Variants in ZNF536 observed in about 807,000 individuals in gnomAD.
ZNF536 encodes zinc finger protein 536.
A neutral mutation model predicts 84.5 loss-of-function variants in ZNF536; 13 were observed. The ratio of observed to expected loss-of-function variants is 0.15; its 90% CI spans 0.10 to 0.24. The LOEUF (loss-of-function observed/expected upper bound fraction) is 0.24, where lower values mean the gene tolerates loss of function less well. ZNF536 is among the 10% of genes least tolerant of loss of function. The pLI, the probability that ZNF536 is intolerant of heterozygous loss-of-function variation, is 1.00. For missense variants in ZNF536, 1,536 were observed against 1,747.5 expected, an observed-to-expected ratio of 0.88 and a Z score of 2.16; for synonymous variants, 811 against 742.5, an observed-to-expected ratio of 1.09 and a Z score of -1.50.
chr19:30,662,291 T>C (rs2050148004), intron 1 of ZNF536, among the ~76,000 whole-genome samples: 1 of 152,242 alleles, frequency 6.6e-6, no homozygotes, highest in Non-Finnish European at 1.5e-5. Flanking sequence ...AGGAGCACTT[T>C]AGTAATCTGT....
intron 1 of ZNF536, among the ~76,000 whole-genome samples, chr19:30,411,818 T>C (rs781660907): frequency 6.6e-6 from 1 of 152,156 alleles, no homozygotes; most frequent in African/African-American, 2.4e-5. Flanking sequence ...CTTGATAAGT[T>C]TGATAGATGA....
intron 1 of ZNF536, among the ~76,000 whole-genome samples, chr19:30,612,375 C>T (rs1162773902): frequency 1.3e-5 from 2 of 152,154 alleles, no homozygotes; most frequent in Admixed American, 6.5e-5. Context: ...ATTTCTATCC[C>T]CAAGTGACTT....
intron 2 of ZNF536, chr19:30,300,277 C>G (rs548533081): frequency 2.0e-4 from 31 of 152,252 alleles, no homozygotes; most frequent in African/African-American, 7.2e-4. Flanking sequence ...ATTCACACAG[C>G]GCTTTCCGTT....
At chr19:30,701,070 G>A (rs1218359122) in intron 1 of ZNF536, among the ~76,000 whole-genome samples, 1 of 152,182 alleles carries the variant, frequency 6.6e-6, no homozygotes, top group Non-Finnish European at 1.5e-5. Flanking sequence ...CCCTTCTGCA[G>A]TAGAGATATT....
At chr19:30,456,021 G>A (rs1450766020) in intron 2 of ZNF536, among the ~76,000 whole-genome samples, 1 of 152,158 alleles carries the variant, frequency 6.6e-6, no homozygotes, top group East Asian at 1.9e-4. Flanking sequence ...GGGCCATGTG[G>A]TTTCTGTAGT....
chr19:30,582,228 G>A (rs879117537), intron 1 of ZNF536, among the ~76,000 whole-genome samples: 1 of 152,146 alleles, frequency 6.6e-6, no homozygotes, highest in Admixed American at 6.5e-5. Context: ...GCACCAAAGG[G>A]AGGAGGCCGA....
chr19:30,600,893 G>C (rs1169878038), intron 1 of ZNF536, among the ~76,000 whole-genome samples: 1 of 152,202 alleles, frequency 6.6e-6, no homozygotes, highest in Non-Finnish European at 1.5e-5. Flanking sequence ...GAGTTCTTTT[G>C]TTCCGTTGAT....
intron 2 of ZNF536, among the ~76,000 whole-genome samples, chr19:30,350,597 G>C (rs2047901416): frequency 6.6e-6 from 1 of 152,202 alleles, no homozygotes; most frequent in Non-Finnish European, 1.5e-5. Context: ...CTTCAAGCCT[G>C]TGAATGCTGT....
chr19:30,250,602 A>G (rs967199738), intron 1 of ZNF536, among the ~76,000 whole-genome samples: 5 of 152,186 alleles, frequency 3.3e-5, no homozygotes, highest in Non-Finnish European at 7.3e-5. Flanking sequence ...AGGGCTGGGC[A>G]CTAAGAGAGA....
chr19:30,359,093 C>T (rs1279359676), intron 3 of ZNF536, among the ~76,000 whole-genome samples: 1 of 152,208 alleles, frequency 6.6e-6, no homozygotes, highest in Non-Finnish European at 1.5e-5. Context: ...CGAGTTTGTC[C>T]AGGTTTTCGG....
chr19:30,450,420 G>A (rs145506028), intron 2 of ZNF536, among the ~76,000 whole-genome samples: 1 of 152,202 alleles, frequency 6.6e-6, no homozygotes, highest in Non-Finnish European at 1.5e-5. Flanking sequence ...GAAAACTGCC[G>A]GAGCAGGCTT....
intron 2 of ZNF536, among the ~76,000 whole-genome samples, chr19:30,319,012 C>T (rs112441091): frequency 1.3e-5 from 2 of 152,314 alleles, no homozygotes; most frequent in African/African-American, 2.4e-5. Flanking sequence ...GGACATGAAT[C>T]GGCTTTAGCA....
chr19:30,565,398 C>T (rs991248670), intron 1 of ZNF536, among the ~76,000 whole-genome samples: 1 of 152,200 alleles, frequency 6.6e-6, no homozygotes, highest in Middle Eastern at 3.4e-3. Context: ...AGCCTTGCCC[C>T]GGTGGGGGCC....
rs140267035 is a variant in ZNF536 at position 30,347,676 on chromosome 19, G to T, written c.-119-4692G>T. 5.9e-5 allele frequency among the ~76,000 whole-genome samples: 9 copies of T among 152,312 alleles called. No homozygotes were observed. The East Asian group carries it at 1.7e-3, about 29-fold the overall frequency. ...GGAAGAATGTCTTGGTGTCTAGTAGGATTGCACTGAGGTATACAGGGCCAG... is the reference window on the plus strand; with the variant it reads ...GGAAGAATGTCTTGGTGTCTAGTAGTATTGCACTGAGGTATACAGGGCCAG... On this transcript the variant is annotated intron_variant, in intron 2 of 5. Coordinates refer to the ZNF536 transcript ENST00000585628.
chr19:30,322,011 T>C (rs1016828014), intron 2 of ZNF536, among the ~76,000 whole-genome samples: 1 of 152,178 alleles, frequency 6.6e-6, no homozygotes, highest in African/African-American at 2.4e-5. Flanking sequence ...CCTGATCTCG[T>C]GATCCGCCTG....
At chr19:30,577,478 C>T (rs550941242) in intron 1 of ZNF536, among the ~76,000 whole-genome samples, 1 of 152,160 alleles carries the variant, frequency 6.6e-6, no homozygotes, top group South Asian at 2.1e-4. Flanking sequence ...TGTGTATTTA[C>T]GACACCAAGA....
chr19:30,646,583 C>T (rs969056636), intron 1 of ZNF536, among the ~76,000 whole-genome samples: 15 of 152,318 alleles, frequency 9.8e-5, no homozygotes, highest in South Asian at 6.2e-4. Context: ...CTGTTGATCA[C>T]GCACTGTCCA....
intron 2 of ZNF536, among the ~76,000 whole-genome samples, chr19:30,316,641 A>T (rs1301634286): frequency 6.6e-6 from 1 of 152,148 alleles, no homozygotes; most frequent in Admixed American, 6.5e-5. Context: ...ACCAGGCAGT[A>T]GTCTGGGCAT....
chr19:30,652,350 G>A (rs779166346), intron 1 of ZNF536, among the ~76,000 whole-genome samples: 9 of 152,096 alleles, frequency 5.9e-5, no homozygotes, highest in African/African-American at 7.2e-5. Flanking sequence ...TCTCTACTGA[G>A]GCCCGCTTTA....
Sources: allele counts gnomAD v4.1 joint callset (sites outside exome capture counted in the v4.1 genomes callset), GRCh38; gene constraint gnomAD v4.1.1; transcripts MANE v1.5; gene names NCBI Gene and HGNC (gene_info 2026-07-23, HGNC 2026-07-21).